Variants in MYO9A observed in about 807,000 individuals in gnomAD.
MYO9A encodes the protein myosin IXA, also known as unconventional myosin-IXa.
MYO9A carries 103 observed loss-of-function variants against 293.3 expected under a neutral mutation model. That is an observed-to-expected ratio of 0.35 (90% confidence interval 0.30 to 0.41). MYO9A has a LOEUF of 0.41. Ranked by LOEUF, MYO9A falls within the 10% of genes least tolerant of loss-of-function variation. MYO9A has a pLI of 1.00. For synonymous variants in MYO9A, 1,001 were observed against 1,035.7 expected, an observed-to-expected ratio of 0.97 and a Z score of 0.64; for missense variants, 2,685 against 3,033.0, an observed-to-expected ratio of 0.89 and a Z score of 2.69.
chr15:72,069,369 T>C (rs999427246), intron 1 of MYO9A, among the ~76,000 whole-genome samples: 2 of 152,192 alleles, frequency 1.3e-5, no homozygotes, highest in Non-Finnish European at 2.9e-5. Context: ...TACTAGTATA[T>C]AGGCTTGTTA....
intron 11 of MYO9A, among the ~76,000 whole-genome samples, chr15:71,986,565 C>T (rs2076411582): frequency 1.3e-5 from 2 of 152,130 alleles, no homozygotes; most frequent in South Asian, 2.1e-4. Flanking sequence ...TTGATCCTGA[C>T]CCTGTGTAGG....
chr15:72,072,486 T>C (rs761436392), intron 1 of MYO9A, among the ~76,000 whole-genome samples: 7 of 152,142 alleles, frequency 4.6e-5, no homozygotes, highest in Non-Finnish European at 1.0e-4. Context: ...AGCAAAGTTA[T>C]GGAATCAATC....
chr15:71,895,989 G>T (rs898254772), intron 25 of MYO9A, among the ~76,000 whole-genome samples: 1 of 152,148 alleles, frequency 6.6e-6, no homozygotes, highest in Non-Finnish European at 1.5e-5. Flanking sequence ...GGAATACCAT[G>T]TATCACTAAA....
At chr15:72,011,291 C>T (rs561791947) in intron 6 of MYO9A, among the ~76,000 whole-genome samples, 27 of 151,640 alleles carry the variant, frequency 1.8e-4, no homozygotes, top group Admixed American at 1.1e-3. Context: ...GAATTACAGG[C>T]GTGAGCCACT....
At chr15:72,045,667 C>T in intron 2 of MYO9A, 57 bp downstream of exon 2, 5 of 1,495,154 alleles carry the variant, frequency 3.3e-6, no homozygotes, top group Admixed American at 2.2e-5. Flanking sequence ...TACACCCCCC[C>T]ACCTCAAAGG....
intron 6 of MYO9A, among the ~76,000 whole-genome samples, chr15:72,013,892 C>T (rs186396733): frequency 2.6e-4 from 39 of 152,222 alleles, no homozygotes; most frequent in Admixed American, 2.0e-3. Flanking sequence ...CTGCAACCTC[C>T]GCCTCCTGGG....
rs927910390 is a variant in MYO9A at position 71,959,625 on chromosome 15, T to A, written c.2182+276A>T. Reference sequence around the variant, plus strand: ...AAATTTCAAAGTTTTTAAAAATCCATGAACTAAGAGTAAAGGAAAAGAAAA... The same window carrying A: ...AAATTTCAAAGTTTTTAAAAATCCAAGAACTAAGAGTAAAGGAAAAGAAAA... On this transcript the variant is annotated intron_variant, in intron 14 of 41. Transcript: ENST00000356056. The A allele has an allele frequency of 6.4e-5, 17 of 266,182 alleles. No individual in the cohort carries two copies. The East Asian group carries it at 1.1e-3, about 17-fold the overall frequency. The allele number at this position is 266,182 out of a possible 1,614,324, so 16.5% of individuals were successfully genotyped here.
At chr15:71,865,062 ATACTGAT>A (rs1208738387) in intron 32 of MYO9A, among the ~76,000 whole-genome samples, 2 of 152,212 alleles carry the variant, frequency 1.3e-5, no homozygotes, top group African/African-American at 4.8e-5. Context: ...CATTTGGAAT[ATACTGAT>A]TCACTAAATT....
At chr15:72,055,956 G>A (rs776167823) in intron 1 of MYO9A, among the ~76,000 whole-genome samples, 14 of 152,154 alleles carry the variant, frequency 9.2e-5, no homozygotes, top group African/African-American at 7.2e-5. Context: ...GGGCAGGTGC[G>A]GTGGCTCACG....
Position 71,901,216 on chromosome 15 carries a change from A to C in MYO9A, c.3125T>G (p.Leu1042Arg), listed in dbSNP as rs755055704. The C allele has an allele frequency of 6.2e-7, 1 of 1,613,110 alleles. No homozygotes were observed. The highest frequency in any genetic ancestry group is 1.7e-5 in the Admixed American group (1 of 59,816). Residue 1042 changes from leucine to arginine, a missense_variant, in exon 23 of 42, where the codon CTG becomes CGG. Physicochemically the swap from Leu to Arg is moderately radical, Grantham distance 102 (BLOSUM62 -2). This residue lies in a region of MYO9A where 1,434 missense variants were observed against 1,497.7 expected (regional missense o/e 0.96). Transcript: ENST00000356056. ...VLLCRQHFLHLRQASVIIQRF... is the reference protein window; with the variant it reads ...VLLCRQHFLHRRQASVIIQRF... ...CTGGATAATAACAGATGCTTGTCTC[A>C]GATGGAGGAAATGCTGCCTACACAG...
At chr15:71,972,348 T>C (rs2076033052) in intron 12 of MYO9A, 1 of 151,910 alleles carries the variant, frequency 6.6e-6, no homozygotes, top group South Asian at 2.1e-4. Context: ...TATAATATAC[T>C]GGGGTAAATG....
At chr15:72,076,698 T>C (rs1120002) in intron 1 of MYO9A, among the ~76,000 whole-genome samples, 137,668 of 152,216 alleles carry the variant, frequency 0.9, 62,978 homozygotes, top group Non-Finnish European at 0.97. Flanking sequence ...CAACACAATC[T>C]CAATCAAAAT....
In MYO9A at chr15:71,860,278, T is replaced by C. The variant is rs1016281917; in HGVS notation, c.6092-482A>G. 3.9e-5 allele frequency among the ~76,000 whole-genome samples: 6 copies of C among 152,216 alleles called. No individual in the cohort carries two copies. The East Asian group carries it at 9.6e-4, about 24-fold the overall frequency. ...ACTAATTGGGTAGCACAGTTTAAGA[T>C]ATAAGAAAGGTCTTATTTATGATCT... On this transcript the variant is annotated intron_variant, in intron 33 of 41. Coordinates refer to ENST00000356056, the MANE Select transcript of MYO9A (RefSeq NM_006901.4).
rs2057394802 is a variant in MYO9A, at chr15:71,898,472, A to AG, written c.4030dup (p.Leu1344ProfsTer8). 1 of 1,613,816 alleles carries AG rather than the reference A, an allele frequency of 6.2e-7. No homozygotes were observed. Among genetic ancestry groups the AG allele is most frequent in the African/African-American group, 1.3e-5 (1 of 74,874 alleles). On this transcript the variant is annotated frameshift_variant, in exon 25 of 42. Coordinates refer to ENST00000356056, the MANE Select transcript of MYO9A (RefSeq NM_006901.4). LOFTEE classifies it high-confidence loss of function. The stretch of plus-strand genomic sequence containing the variant: ...TCCTTCATCTGAAATGACAGACTCT[A>AG]GTTTGCTCTTTTGGCTTTCCTCATA...
chr15:72,059,108 A>T (rs2078805518), intron 1 of MYO9A, among the ~76,000 whole-genome samples: 1 of 152,186 alleles, frequency 6.6e-6, no homozygotes, highest in Non-Finnish European at 1.5e-5. Flanking sequence ...TATATTTAGA[A>T]ATTACTTTCT....
intron 39 of MYO9A, among the ~76,000 whole-genome samples, chr15:71,839,499 C>T (rs1400256369): frequency 2.0e-5 from 3 of 152,094 alleles, no homozygotes; most frequent in Non-Finnish European, 4.4e-5. Context: ...GCCTTGAACT[C>T]CTGGGCTCAA....
intron 32 of MYO9A, among the ~76,000 whole-genome samples, chr15:71,866,335 T>C (rs753798181): frequency 3.9e-5 from 6 of 152,148 alleles, no homozygotes; most frequent in Admixed American, 6.5e-5. Flanking sequence ...CTGTTAACTA[T>C]AGTGATTATC....
intron 12 of MYO9A, among the ~76,000 whole-genome samples, chr15:71,973,212 G>C (rs2076057152): frequency 6.6e-6 from 1 of 152,012 alleles, no homozygotes; most frequent in Non-Finnish European, 1.5e-5. Flanking sequence ...TGTGGAAAAA[G>C]GGCAAAACGA....
chr15:72,094,606 T>G lies in MYO9A; in HGVS notation c.-72+23074A>C, dbSNP rs1470583636. Among the ~76,000 whole-genome samples, 21 of 91,880 alleles carry G rather than the reference T, an allele frequency of 2.3e-4. 8 individuals carry two copies. Among genetic ancestry groups the G allele is most frequent in the Admixed American group, 1.9e-3 (16 of 8,388 alleles). The allele number at this position is 91,880 out of a possible 152,430, so 60.3% of individuals were successfully genotyped here. A position where few individuals can be genotyped will look rare whatever the true frequency, so the allele number is the denominator to read the frequency against. ...ATAGCTCACTGCAGCCTCATATTCC[T>G]GTGCTCCAGCAATCCTCCTGCCTCA... On this transcript the variant is annotated intron_variant, in intron 1 of 41. Coordinates refer to ENST00000356056, the MANE Select transcript of MYO9A (RefSeq NM_006901.4).
Sources: gnomAD v4.1 joint callset for allele counts (sites outside exome capture counted in the v4.1 genomes callset) on GRCh38, gnomAD v4.1.1 for gene constraint, gnomAD v4.1.1 regional missense constraint, MANE v1.5 for transcripts, NCBI Gene and HGNC (gene_info 2026-07-23, HGNC 2026-07-21) for gene names.